MACROH2A1: variants seen among roughly 807,000 people sequenced by gnomAD.
MACROH2A1 encodes core histone macro-H2A.1.
A neutral mutation model predicts 31.6 loss-of-function variants in MACROH2A1; 2 were observed. The observed-to-expected ratio is 0.06, with a 90% CI of 0.03 to 0.20. The LOEUF is 0.20. Ranked by LOEUF, MACROH2A1 falls within the 10% of genes least tolerant of loss-of-function variation. The pLI, the probability that MACROH2A1 is intolerant of heterozygous loss-of-function variation, is 1.00. For missense variants in MACROH2A1, 230 were observed against 474.0 expected, an observed-to-expected ratio of 0.49 and a Z score of 4.78; for synonymous variants, 169 against 189.6, an observed-to-expected ratio of 0.89 and a Z score of 0.89.
intron 4 of MACROH2A1, among the ~76,000 whole-genome samples, chr5:135,368,649 T>C (rs1383992012): frequency 6.6e-6 from 1 of 152,230 alleles, no homozygotes; most frequent in African/African-American, 2.4e-5. Context: ...TGACAACTGC[T>C]GACAAGTAGG....
chr5:135,348,231 A>G lies in MACROH2A1; in HGVS notation c.689-2174T>C, dbSNP rs185202844. On this transcript the variant is annotated intron_variant, in intron 6 of 8. Coordinates refer to ENST00000511689, the MANE Select transcript of MACROH2A1 (RefSeq NM_138610.3). ...TTTAACAAGAAACAGGCCCATTTTCAACCATATTGTCAACACTCTTATTGT... is the reference window on the plus strand; with the variant it reads ...TTTAACAAGAAACAGGCCCATTTTCGACCATATTGTCAACACTCTTATTGT... 6.4e-3 allele frequency among the ~76,000 whole-genome samples: 973 copies of G among 152,366 alleles called. 4 individuals carry two copies. Among genetic ancestry groups the G allele is most frequent in the Middle Eastern group, 0.024 (7 of 294 alleles).
chr5:135,379,030 C>T (rs1364427851), intron 2 of MACROH2A1, among the ~76,000 whole-genome samples: 1 of 152,186 alleles, frequency 6.6e-6, no homozygotes, highest in Non-Finnish European at 1.5e-5. Flanking sequence ...ATAGAGGCAA[C>T]ATAAATGTGA....
chr5:135,357,238 A>T (rs888516202), intron 5 of MACROH2A1: 3 of 152,170 alleles, frequency 2.0e-5, no homozygotes, highest in Non-Finnish European at 4.4e-5. Flanking sequence ...ATACTGCTGG[A>T]TGTCCAGATG....
chr5:135,336,853 TGAG>T (rs978185841), intron 8 of MACROH2A1, among the ~76,000 whole-genome samples: 10 of 152,182 alleles, frequency 6.6e-5, no homozygotes, highest in African/African-American at 2.2e-4. Context: ...GAGAATTGCT[TGAG>T]GAGATAAAAA....
intron 2 of MACROH2A1, among the ~76,000 whole-genome samples, chr5:135,387,505 C>T (rs1311865040): frequency 1.3e-5 from 2 of 152,146 alleles, no homozygotes; most frequent in Non-Finnish European, 2.9e-5. Flanking sequence ...GAGAGGTACC[C>T]TGTCTTACTG....
Position 135,334,950 on chromosome 5 carries a change from T to C in MACROH2A1, c.*26A>G. Reference sequence around the variant, plus strand: ...TTTAAACTGAAGGTGGGGTACATGGTGCAGCTGGTTCTGTCATTGCTCAGC... The same window carrying C: ...TTTAAACTGAAGGTGGGGTACATGGCGCAGCTGGTTCTGTCATTGCTCAGC... On this transcript the variant is annotated 3_prime_UTR_variant, in exon 9 of 9. Coordinates refer to ENST00000511689, the MANE Select transcript of MACROH2A1 (RefSeq NM_138610.3). 6.2e-7 allele frequency: 1 copy of C among 1,602,438 alleles called. No homozygotes were observed. Among genetic ancestry groups the C allele is most frequent in the Non-Finnish European group, 8.5e-7 (1 of 1,170,398 alleles).
chr5:135,355,709 G>A (rs1322559805), intron 5 of MACROH2A1: 2 of 202,416 alleles, frequency 9.9e-6, no homozygotes, highest in African/African-American at 4.7e-5. Context: ...GATCATGAAC[G>A]AAGACAGTAG....
chr5:135,375,975 G>A (rs1369051859), intron 2 of MACROH2A1, among the ~76,000 whole-genome samples: 1 of 152,106 alleles, frequency 6.6e-6, no homozygotes, highest in Non-Finnish European at 1.5e-5. Context: ...TGGTGGCTCT[G>A]AGTGTTTGCA....
intron 1 of MACROH2A1, among the ~76,000 whole-genome samples, chr5:135,392,526 A>C (rs1351710259): frequency 1.3e-5 from 2 of 152,224 alleles, no homozygotes; most frequent in African/African-American, 4.8e-5. Flanking sequence ...ATTCTGACTA[A>C]GCCATGAAGC....
chr5:135,352,727 A>G (rs560664809), intron 6 of MACROH2A1, among the ~76,000 whole-genome samples: 1 of 152,332 alleles, frequency 6.6e-6, no homozygotes, highest in African/African-American at 2.4e-5. Flanking sequence ...TGTATTTGCA[A>G]TTGAGGAGAG....
Position 135,345,958 on chromosome 5 carries a change from CCCA to C in MACROH2A1, c.778+7_778+9del. The C allele has an allele frequency of 2.6e-6, 4 of 1,539,980 alleles. No homozygotes were observed. Among genetic ancestry groups the C allele is most frequent in the Non-Finnish European group, 1.8e-6 (2 of 1,112,372 alleles). ...ACAACCAGATAAGCACGGTGGCTTT[CCCA>C]CCTCACCTCCAGCTACTTCCAAGGG... On this transcript the variant is annotated splice_region_variant and intron_variant, in intron 7 of 8. Transcript: ENST00000511689.
At chr5:135,378,545 G>T (rs1480677641) in intron 2 of MACROH2A1, among the ~76,000 whole-genome samples, 1 of 152,184 alleles carries the variant, frequency 6.6e-6, no homozygotes, top group African/African-American at 2.4e-5. Flanking sequence ...TTGGGGACCG[G>T]GCATTTACCA....
chr5:135,352,361 T>G (rs1488416390), intron 6 of MACROH2A1, among the ~76,000 whole-genome samples: 1 of 152,202 alleles, frequency 6.6e-6, no homozygotes, highest in Non-Finnish European at 1.5e-5. Context: ...TTTTCCTCCA[T>G]AAGAACTCAC....
At chr5:135,347,317 G>A (rs1760969027) in intron 6 of MACROH2A1, 2 of 152,230 alleles carry the variant, frequency 1.3e-5, no homozygotes. Flanking sequence ...TAAGAACCAG[G>A]GCTAATGGCT....
rs1768393534 is a variant in MACROH2A1, at chr5:135,398,659, C to T, written c.-34+403G>A. Among the ~76,000 whole-genome samples, 1 of 152,212 alleles carries T rather than the reference C, an allele frequency of 6.6e-6. No homozygotes were observed. Among genetic ancestry groups the T allele is most frequent in the African/African-American group, 2.4e-5 (1 of 41,470 alleles). On this transcript the variant is annotated intron_variant, in intron 1 of 8. Transcript: ENST00000511689. The surrounding 1 kb of genome is among the most constrained non-coding windows in gnomAD (Gnocchi z 4.6). ...AGTACAACTCTGCTCACAGCAGCTC[C>T]CGGGTGCCCAGGCCCAGACTGCCTA...
At chr5:135,358,918 A>C (rs140159595) in intron 5 of MACROH2A1, 14 of 985,264 alleles carry the variant, frequency 1.4e-5, no homozygotes, top group Non-Finnish European at 1.2e-5. Flanking sequence ...TCTTGGGAGA[A>C]GCTAGCAAGA....
chr5:135,343,950 G>A (rs146523356), intron 7 of MACROH2A1: 1 of 167,580 alleles, frequency 6.0e-6, no homozygotes, highest in Non-Finnish European at 1.3e-5. Flanking sequence ...TGCTTTAAAT[G>A]ATCTGCTAAG....
intron 4 of MACROH2A1, among the ~76,000 whole-genome samples, chr5:135,364,596 G>GC (rs1209377639): frequency 6.6e-6 from 1 of 152,116 alleles, no homozygotes; most frequent in Non-Finnish European, 1.5e-5. Context: ...TTGGACACTC[G>GC]CCCAGCTTTG....
At chr5:135,380,323 G>A (rs750034161) in intron 2 of MACROH2A1, among the ~76,000 whole-genome samples, 17 of 152,150 alleles carry the variant, frequency 1.1e-4, no homozygotes, top group African/African-American at 3.4e-4. Context: ...GAAATCAACC[G>A]TGATTCTTTT....
Sources: allele counts gnomAD v4.1 joint callset (sites outside exome capture counted in the v4.1 genomes callset), GRCh38; gene constraint gnomAD v4.1.1; non-coding constraint Gnocchi (gnomAD v3.1); transcripts MANE v1.5; gene names NCBI Gene and HGNC (gene_info 2026-07-23, HGNC 2026-07-21).